Variants in CCDC187 observed in about 807,000 individuals in gnomAD.
CCDC187 encodes coiled-coil domain containing 187, also known as coiled-coil domain-containing protein 187.
A neutral mutation model predicts 38.0 loss-of-function variants in CCDC187; 32 were observed. The ratio of observed to expected loss-of-function variants is 0.84; its 90% CI spans 0.64 to 1.13. The LOEUF (loss-of-function observed/expected upper bound fraction) is 1.13, where lower values mean the gene tolerates loss of function less well. Among genes scored for constraint, CCDC187 ranks in the 50% most tolerant of loss-of-function variants. The pLI is 0.00. For missense variants in CCDC187, 707 were observed against 786.8 expected (o/e 0.90, Z 1.21); for synonymous variants, 333 against 347.9 (o/e 0.96, Z 0.48).
At position 136,257,427 on chromosome 9, in the gene CCDC187, CCCTTGGG is replaced by C. The variant is rs1830627253; in HGVS notation, c.4367-593_4367-587del. Among the ~76,000 whole-genome samples the C allele has an allele frequency of 6.6e-6, 1 of 151,860 alleles. No homozygotes were observed. The highest frequency in any genetic ancestry group is 1.9e-4 in the East Asian group (1 of 5,176). ...TAATAATTTAGAGGCCTCTTTCCCT[CCCTTGGG>C]GGAAACCTTTTGCCAGAGCTTGTTC... On this transcript the variant is annotated intron_variant, in intron 22 of 25. Transcript: ENST00000638797. The surrounding 1 kb of genome is among the most constrained non-coding windows in gnomAD (Gnocchi z 4.5).
At chr9:136,285,080 G>T (rs1831142561) in intron 9 of CCDC187, among the ~76,000 whole-genome samples, 1 of 152,108 alleles carries the variant, frequency 6.6e-6, no homozygotes, top group South Asian at 2.1e-4. Context: ...CCCAGAGGAG[G>T]CTGCAGCCCG....
rs1554760487 is a variant in CCDC187, at chr9:136,257,720, G to C, written c.4367-879C>G. Among the ~76,000 whole-genome samples, 1 of 152,238 alleles carries C rather than the reference G, an allele frequency of 6.6e-6. No individual in the cohort carries two copies. The highest frequency in any genetic ancestry group is 2.1e-4 in the South Asian group (1 of 4,836). ...CAAGGCCACCTGGCTAAGGGAACCA[G>C]AGCTGTTTGTCTAAAGCCCAAGGAG... On this transcript the variant is annotated intron_variant, in intron 22 of 25. Coordinates refer to ENST00000638797, the MANE Select transcript of CCDC187 (RefSeq NM_001378188.1). This position sits in a 1 kb window ranked among gnomAD's most constrained non-coding sequence, Gnocchi z 4.5.
intron 25 of CCDC187, 130 bp from the exon 26 acceptor site, chr9:136,255,264 G>T: frequency 2.9e-6 from 1 of 346,730 alleles, no homozygotes; most frequent in South Asian, 1.2e-4. Context: ...CGTCGAGGGT[G>T]CCAGCGTGTT....
chr9:136,261,422 C>T (rs1235521634), intron 19 of CCDC187, among the ~76,000 whole-genome samples: 1 of 152,122 alleles, frequency 6.6e-6, no homozygotes, highest in Admixed American at 6.5e-5. Flanking sequence ...TGTACCCCTC[C>T]GCCAGGAGGG....
intron 2 of CCDC187, among the ~76,000 whole-genome samples, chr9:136,301,034 G>A (rs931093725): frequency 1.4e-4 from 22 of 152,182 alleles, no homozygotes; most frequent in Non-Finnish European, 2.2e-4. Flanking sequence ...CAGTGGCTCC[G>A]CGGAGCCACC....
At chr9:136,299,723 G>A (rs1344417131) in intron 3 of CCDC187, among the ~76,000 whole-genome samples, 1 of 152,160 alleles carries the variant, frequency 6.6e-6, no homozygotes, top group Admixed American at 6.5e-5. Flanking sequence ...AACCTGGTGG[G>A]GCCCTTGGCC....
At chr9:136,270,160 T>C (rs1554762191) in intron 14 of CCDC187, among the ~76,000 whole-genome samples, 3 of 152,226 alleles carry the variant, frequency 2.0e-5, no homozygotes, top group African/African-American at 7.2e-5. Flanking sequence ...TTAGCAGGTG[T>C]TCTCCCCATG....
At chr9:136,282,934 G>A (rs1831081927) in intron 9 of CCDC187, among the ~76,000 whole-genome samples, 1 of 152,216 alleles carries the variant, frequency 6.6e-6, no homozygotes, top group Non-Finnish European at 1.5e-5. Context: ...TGGGACAGAG[G>A]GGACAGACTC....
intron 14 of CCDC187, among the ~76,000 whole-genome samples, chr9:136,268,423 G>A (rs1255020262): frequency 6.6e-6 from 1 of 152,214 alleles, no homozygotes; most frequent in Non-Finnish European, 1.5e-5. Flanking sequence ...GCTTCTAAAG[G>A]AGGGGAGAGT....
upstream of CCDC187, among the ~76,000 whole-genome samples, chr9:136,305,490 G>A (rs1831788608): frequency 6.6e-6 from 1 of 152,176 alleles, no homozygotes; most frequent in Non-Finnish European, 1.5e-5. Flanking sequence ...GCACAGGCCT[G>A]GCCCCCCTGC....
rs371005805 is a variant in CCDC187, at chr9:136,272,147, G to A, written c.3442+2511C>T. Among the ~76,000 whole-genome samples, 337 of 152,224 alleles carry A rather than the reference G, an allele frequency of 2.2e-3. 5 individuals are homozygous for A. The highest frequency in any genetic ancestry group is 7.8e-3 in the African/African-American group (323 of 41,518). On this transcript the variant is annotated intron_variant, in intron 14 of 25. Transcript: ENST00000638797. ...AAAAGCTAAAGACACCAGCAGACAC[G>A]CACCACCAGAAATGCTAAGGGAAAT...
chr9:136,262,922 TC>T (rs1450106804), intron 18 of CCDC187, among the ~76,000 whole-genome samples: 2 of 152,020 alleles, frequency 1.3e-5, no homozygotes, highest in South Asian at 2.1e-4. Context: ...GCGTCCTCAC[TC>T]CGTCTGCCGG....
intron 14 of CCDC187, among the ~76,000 whole-genome samples, chr9:136,268,745 A>G (rs72775724): frequency 1.3e-5 from 2 of 152,038 alleles, no homozygotes; most frequent in Non-Finnish European, 2.9e-5. Flanking sequence ...ATATATATAT[A>G]TTTTTTCACA....
intron 4 of CCDC187, among the ~76,000 whole-genome samples, chr9:136,292,725 T>C (rs1001070598): frequency 1.3e-5 from 2 of 152,076 alleles, no homozygotes; most frequent in African/African-American, 4.8e-5. Context: ...GTGCTGCACA[T>C]CGGGCTCCGC....
intron 19 of CCDC187, among the ~76,000 whole-genome samples, 167 bp downstream of exon 19, chr9:136,262,144 G>A (rs1375402767): frequency 1.3e-5 from 2 of 152,260 alleles, no homozygotes; most frequent in South Asian, 2.1e-4. Flanking sequence ...GCCACCGGCC[G>A]GCAGAACAGC....
At chr9:136,263,100 C>T (rs1410964076) in intron 18 of CCDC187, among the ~76,000 whole-genome samples, 3 of 151,962 alleles carry the variant, frequency 2.0e-5, no homozygotes, top group African/African-American at 7.3e-5. Flanking sequence ...CTGCCCCCAC[C>T]TGAAGTCTGG....
intron 9 of CCDC187, among the ~76,000 whole-genome samples, chr9:136,282,672 T>A (rs1183808322): frequency 6.6e-6 from 1 of 152,170 alleles, no homozygotes; most frequent in African/African-American, 2.4e-5. Context: ...ACGCCCTCCC[T>A]CAGCAGCCCG....
intron 9 of CCDC187, among the ~76,000 whole-genome samples, chr9:136,282,388 A>C (rs1167165454): frequency 6.6e-6 from 1 of 152,192 alleles, no homozygotes; most frequent in Non-Finnish European, 1.5e-5. Context: ...AGGGAGAGCT[A>C]CCAGGCACGG....
chr9:136,250,154 C>G lies in CCDC187; in HGVS notation c.*3440G>C, dbSNP rs1240158978. 1 of 158,456 alleles carries G rather than the reference C, an allele frequency of 6.3e-6. No homozygotes were observed. Among genetic ancestry groups the G allele is most frequent in the African/African-American group, 2.4e-5 (1 of 41,468 alleles). 9.8% of individuals were successfully genotyped at this position (158,456 alleles called of 1,614,324 possible). On this transcript the variant is annotated 3_prime_UTR_variant, in exon 26 of 26. Transcript: ENST00000638797. ...GTTGGGAGATTAAATGCGTTTACAC[C>G]TCTGCTGAAGCGGCTTTTTCTCCGG...
Sources: allele counts gnomAD v4.1 joint callset (sites outside exome capture counted in the v4.1 genomes callset), GRCh38; gene constraint gnomAD v4.1.1; non-coding constraint Gnocchi (gnomAD v3.1); transcripts MANE v1.5; gene names NCBI Gene and HGNC (gene_info 2026-07-23, HGNC 2026-07-21).